The following TDRD3 variants were observed in gnomAD, a reference collection of about 807,000 sequenced individuals.
TDRD3 encodes the protein tudor domain containing 3.
A neutral mutation model predicts 86.7 loss-of-function variants in TDRD3; 45 were observed. The observed-to-expected ratio is 0.52, with a 90% CI of 0.41 to 0.67. The LOEUF (loss-of-function observed/expected upper bound fraction) is 0.67, where lower values mean the gene tolerates loss of function less well. TDRD3 is among the 30% of genes least tolerant of loss of function. The pLI is 0.00. For synonymous variants in TDRD3, 298 were observed against 301.7 expected (o/e 0.99, Z 0.13); for missense variants, 814 against 889.0 (o/e 0.92, Z 1.07).
chr13:60,412,271 T>C (rs373874007), intron 1 of TDRD3, among the ~76,000 whole-genome samples: 1 of 152,228 alleles, frequency 6.6e-6, no homozygotes, highest in Non-Finnish European at 1.5e-5. Flanking sequence ...TTCAGTGATA[T>C]TGTTCAGCTT....
At chr13:60,440,400 A>T (rs1390733326) in intron 2 of TDRD3, among the ~76,000 whole-genome samples, 1 of 151,956 alleles carries the variant, frequency 6.6e-6, no homozygotes, top group East Asian at 1.9e-4. Context: ...GTAAGTAAAC[A>T]GGCTGGGCAT....
rs541852999 is a variant in TDRD3 at position 60,469,285 on chromosome 13, T to A, written c.495+1906T>A. Among the ~76,000 whole-genome samples, 3 of 152,238 alleles carry A rather than the reference T, an allele frequency of 2.0e-5. No homozygotes were observed. The South Asian group carries it at 6.2e-4, about 32-fold the overall frequency. ...ATATGTTGATATAATTGTATTTTTT[T>A]AATCAGTAGAGATTTTTTAAAGTGT... On this transcript the variant is annotated intron_variant, in intron 5 of 13. Transcript: ENST00000377881.
At chr13:60,417,591 C>G (rs1308211235) in intron 1 of TDRD3, among the ~76,000 whole-genome samples, 3 of 152,232 alleles carry the variant, frequency 2.0e-5, no homozygotes, top group Admixed American at 2.0e-4. Context: ...ATCCACCTGC[C>G]TCGGCCTCCC....
At position 60,435,027 on chromosome 13, in the gene TDRD3, T is replaced by C. The variant is rs1207618729; in HGVS notation, c.42-4661T>C. ...TGTTTTTTATCACTTGTTTTATTCA[T>C]TGGTAATATTGGAGTTTTAAATGTT... is the stretch of plus-strand genomic sequence containing the variant. On this transcript the variant is annotated intron_variant, in intron 1 of 13. Coordinates refer to ENST00000377881, the MANE Select transcript of TDRD3 (RefSeq NM_001146070.2). Among the ~76,000 whole-genome samples the C allele has an allele frequency of 2.0e-5, 3 of 152,234 alleles. No individual in the cohort carries two copies. The East Asian group carries it at 5.8e-4, about 29-fold the overall frequency.
At chr13:60,514,446 G>A (rs2076804247) in intron 10 of TDRD3, among the ~76,000 whole-genome samples, 1 of 152,200 alleles carries the variant, frequency 6.6e-6, no homozygotes, top group African/African-American at 2.4e-5. Flanking sequence ...TAGTAACTTT[G>A]TTGGGGGCCT....
intron 1 of TDRD3, among the ~76,000 whole-genome samples, 156 bp from the exon 2 acceptor site, chr13:60,439,532 A>C (rs1955204307): frequency 6.6e-6 from 1 of 152,170 alleles, no homozygotes; most frequent in Non-Finnish European, 1.5e-5. Flanking sequence ...CTTCTATAAG[A>C]CATAGTAAAT....
Position 60,449,149 on chromosome 13 carries a change from A to C in TDRD3, c.192+4401A>C, listed in dbSNP as rs549741874. On this transcript the variant is annotated intron_variant, in intron 3 of 13. Transcript: ENST00000377881. ...AGTGAAGGTTCTCTTGCCCTTGGAT[A>C]GTCTAGAAATCGGATGTTTTTAAAA... 2.6e-3 allele frequency among the ~76,000 whole-genome samples: 403 copies of C among 152,292 alleles called. 2 individuals are homozygous for C. Among genetic ancestry groups the C allele is most frequent in the African/African-American group, 8.9e-3 (372 of 41,584 alleles).
intron 12 of TDRD3, among the ~76,000 whole-genome samples, chr13:60,541,716 CTTTTTTTTTT>C (rs71199007): frequency 9.5e-4 from 39 of 41,036 alleles, no homozygotes; most frequent in East Asian, 5.2e-3. Flanking sequence ...TCAGCATAGT[CTTTTTTTTTT>C]TTTTTTTTTT....
At chr13:60,507,224 A>G (rs191469648) in intron 8 of TDRD3, among the ~76,000 whole-genome samples, 1 of 152,216 alleles carries the variant, frequency 6.6e-6, no homozygotes, top group East Asian at 1.9e-4. Context: ...CTACAAAGAG[A>G]TCTTAGACTC....
At chr13:60,422,774 A>G (rs1242570469) in intron 1 of TDRD3, among the ~76,000 whole-genome samples, 1 of 152,130 alleles carries the variant, frequency 6.6e-6, no homozygotes, top group Non-Finnish European at 1.5e-5. Context: ...TCAGAGAGAA[A>G]GTAGTCGAAT....
chr13:60,461,222 G>A (rs898053221), intron 4 of TDRD3, among the ~76,000 whole-genome samples: 9 of 152,046 alleles, frequency 5.9e-5, no homozygotes, highest in African/African-American at 2.2e-4. Context: ...ACTGTTTAAT[G>A]TTCTTGCAGA....
chr13:60,424,837 G>A (rs565403904), intron 1 of TDRD3, among the ~76,000 whole-genome samples: 1 of 152,182 alleles, frequency 6.6e-6, no homozygotes, highest in African/African-American at 2.4e-5. Flanking sequence ...TCTGCTTTCT[G>A]TCTCTATGGA....
At chr13:60,491,907 G>T (rs1956596975) in intron 7 of TDRD3, among the ~76,000 whole-genome samples, 1 of 152,058 alleles carries the variant, frequency 6.6e-6, no homozygotes, top group African/African-American at 2.4e-5. Flanking sequence ...AGGTATATGT[G>T]TGTGCTAGGG....
intron 12 of TDRD3, among the ~76,000 whole-genome samples, chr13:60,554,349 T>C (rs1958138234): frequency 6.6e-6 from 1 of 152,252 alleles, no homozygotes; most frequent in Non-Finnish European, 1.5e-5. Context: ...TTATCAACAC[T>C]GTTAGAATAA....
Position 60,435,918 on chromosome 13 carries a change from G to GTTT in TDRD3, c.42-3759_42-3757dup, listed in dbSNP as rs767705603. Among the ~76,000 whole-genome samples, 9 of 124,802 alleles carry GTTT rather than the reference G, an allele frequency of 7.2e-5. No individual in the cohort carries two copies. The South Asian group carries it at 1.4e-3, about 20-fold the overall frequency. 81.9% of individuals were successfully genotyped at this position (124,802 alleles called of 152,430 possible). A position where few individuals can be genotyped will look rare whatever the true frequency, so the allele number is the denominator to read the frequency against. ...AAACCACATCATGACAACATCTATGGTTTTTTTTTTTTTACTTTTTAATTA... is the reference window on the plus strand; with the variant it reads ...AAACCACATCATGACAACATCTATGGTTTTTTTTTTTTTTTTACTTTTTAATTA... On this transcript the variant is annotated intron_variant, in intron 1 of 13. Transcript: ENST00000377881.
chr13:60,496,938 C>A (rs182919788), intron 8 of TDRD3, among the ~76,000 whole-genome samples: 5 of 152,148 alleles, frequency 3.3e-5, no homozygotes, highest in African/African-American at 1.2e-4. Context: ...GAACCTTGGG[C>A]CATGCAGTGT....
At chr13:60,504,485 T>C (rs2137622735) in intron 8 of TDRD3, among the ~76,000 whole-genome samples, 1 of 152,346 alleles carries the variant, frequency 6.6e-6, no homozygotes, top group Non-Finnish European at 1.5e-5. Context: ...GCAAACCTAG[T>C]ATCTGACTTG....
chr13:60,439,671 T>A lies in TDRD3; in HGVS notation c.42-17T>A, dbSNP rs1370345353. 1 of 1,519,208 alleles carries A rather than the reference T, an allele frequency of 6.6e-7. No homozygotes were observed. Among genetic ancestry groups the A allele is most frequent in the South Asian group, 1.3e-5 (1 of 77,458 alleles). 94.1% of individuals were successfully genotyped at this position (1,519,208 alleles called of 1,614,324 possible). A position where few individuals can be genotyped will look rare whatever the true frequency, so the allele number is the denominator to read the frequency against. On this transcript the variant is annotated splice_polypyrimidine_tract_variant and intron_variant, in intron 1 of 13. Transcript: ENST00000377881. ...TTGATTTTAGATAATATTAAGCCAT[T>A]TATTTTATTTTAACAGGTATCTTTC... is the stretch of plus-strand genomic sequence containing the variant.
chr13:60,473,804 C>G (rs976430913), intron 5 of TDRD3, among the ~76,000 whole-genome samples: 1 of 152,188 alleles, frequency 6.6e-6, no homozygotes, highest in Non-Finnish European at 1.5e-5. Context: ...TAGAGGGCTC[C>G]CTGGGCTAGC....
Sources: allele counts gnomAD v4.1 joint callset (sites outside exome capture counted in the v4.1 genomes callset), GRCh38; gene constraint gnomAD v4.1.1; transcripts MANE v1.5; gene names NCBI Gene and HGNC (gene_info 2026-07-23, HGNC 2026-07-21).